Variants in KIRREL3 observed in about 807,000 individuals in gnomAD.
KIRREL3 encodes the protein kirre like nephrin family adhesion molecule 3.
In KIRREL3, 36 loss-of-function variants were observed where a neutral mutation model predicts 89.7. The observed-to-expected ratio is 0.40, with a 90% CI of 0.31 to 0.53. The LOEUF (loss-of-function observed/expected upper bound fraction) is 0.53, where lower values mean the gene tolerates loss of function less well. KIRREL3 is among the 20% of genes least tolerant of loss of function. The pLI is 0.49. For missense variants in KIRREL3, 864 were observed against 1,056.6 expected (o/e 0.82, Z 2.53); for synonymous variants, 445 against 441.4 (o/e 1.01, Z -0.10).
intron 1 of KIRREL3, among the ~76,000 whole-genome samples, chr11:126,880,418 A>T (rs1304868188): frequency 2.0e-5 from 3 of 152,170 alleles, no homozygotes; most frequent in Non-Finnish European, 4.4e-5. Context: ...CCTTCCTCCA[A>T]AATACCTCTT....
In KIRREL3 at chr11:126,627,240, C is replaced by T. The variant is rs79704778; in HGVS notation, c.56-64328G>A. Among the ~76,000 whole-genome samples, 2 of 152,024 alleles carry T rather than the reference C, an allele frequency of 1.3e-5. No homozygotes were observed. The highest frequency in any genetic ancestry group is 6.6e-5 in the Admixed American group (1 of 15,264). ...GCCAGGGCACAGAGTGTGAAAGGGA[C>T]CTATTTGGGAGAGGTGGCTGTAGGA... On this transcript the variant is annotated intron_variant, in intron 1 of 16. Coordinates refer to ENST00000525144, the MANE Select transcript of KIRREL3 (RefSeq NM_032531.4). The surrounding 1 kb of genome is among the most constrained non-coding windows in gnomAD (Gnocchi z 5.0).
At chr11:126,449,186 G>T (rs767444382) in intron 7 of KIRREL3, 29 bp from the exon 8 acceptor site, 24 of 1,609,748 alleles carry the variant, frequency 1.5e-5, no homozygotes, top group Non-Finnish European at 2.0e-5. Flanking sequence ...GCTGATGTGG[G>T]CCTTGAGTGG....
In KIRREL3 at chr11:126,860,869, C is replaced by T. The variant is rs564639803; in HGVS notation, c.55+139586G>A. On this transcript the variant is annotated intron_variant, in intron 1 of 16. Coordinates refer to ENST00000525144, the MANE Select transcript of KIRREL3 (RefSeq NM_032531.4). This position sits in a 1 kb window ranked among gnomAD's most constrained non-coding sequence, Gnocchi z 4.6. ...TTTAGTGATCCTACACTTGATTCTTCTCGCAGTTTCAGAAATACTACCTCC... is the reference window on the plus strand; with the variant it reads ...TTTAGTGATCCTACACTTGATTCTTTTCGCAGTTTCAGAAATACTACCTCC... 1.3e-5 allele frequency among the ~76,000 whole-genome samples: 2 copies of T among 152,272 alleles called. No individual in the cohort carries two copies. Among genetic ancestry groups the T allele is most frequent in the African/African-American group, 2.4e-5 (1 of 41,554 alleles).
intron 1 of KIRREL3, among the ~76,000 whole-genome samples, chr11:126,658,325 C>T (rs780592330): frequency 5.6e-4 from 86 of 152,280 alleles, no homozygotes; most frequent in Middle Eastern, 3.4e-3. Flanking sequence ...TCTAGGGAAA[C>T]TCATAACCCC....
rs2134424747 is a variant in KIRREL3 at position 126,811,587 on chromosome 11, T to G, written c.55+188868A>C. On this transcript the variant is annotated intron_variant, in intron 1 of 16. Coordinates refer to ENST00000525144, the MANE Select transcript of KIRREL3 (RefSeq NM_032531.4). This position sits in a 1 kb window ranked among gnomAD's most constrained non-coding sequence, Gnocchi z 4.3. Reference sequence around the variant, plus strand: ...GCAACGTTAGCAATGAACTTCTTTTTTTTCTTTTTCTTTTTTGAGATGGAG... The same window carrying G: ...GCAACGTTAGCAATGAACTTCTTTTGTTTCTTTTTCTTTTTTGAGATGGAG... 6.6e-6 allele frequency among the ~76,000 whole-genome samples: 1 copy of G among 152,306 alleles called. No individual in the cohort carries two copies.
Position 126,624,550 on chromosome 11 carries a change from C to T in KIRREL3, c.56-61638G>A, listed in dbSNP as rs937330684. 6.6e-5 allele frequency among the ~76,000 whole-genome samples: 10 copies of T among 152,194 alleles called. No individual in the cohort carries two copies. The highest frequency in any genetic ancestry group is 1.2e-4 in the Non-Finnish European group (8 of 68,038). On this transcript the variant is annotated intron_variant, in intron 1 of 16. Coordinates refer to ENST00000525144, the MANE Select transcript of KIRREL3 (RefSeq NM_032531.4). This position sits in a 1 kb window ranked among gnomAD's most constrained non-coding sequence, Gnocchi z 6.0. ...TTCCCCTTCCCATTCCCGGTGCCTTCCCAGTGTGCTTGGAACACTCTACTG... is the reference window on the plus strand; with the variant it reads ...TTCCCCTTCCCATTCCCGGTGCCTTTCCAGTGTGCTTGGAACACTCTACTG...
chr11:126,447,749 C>G (rs770800412), intron 8 of KIRREL3, among the ~76,000 whole-genome samples: 13 of 152,208 alleles, frequency 8.5e-5, no homozygotes, highest in Admixed American at 2.6e-4. Context: ...AGGGAGCAGA[C>G]AGAGCCTGAA....
At position 126,446,898 on chromosome 11, in the gene KIRREL3, G is replaced by GGAA. The variant is rs1473266369; in HGVS notation, c.998-15_998-13dup. On this transcript the variant is annotated splice_polypyrimidine_tract_variant and intron_variant, in intron 8 of 16. Coordinates refer to ENST00000525144, the MANE Select transcript of KIRREL3 (RefSeq NM_032531.4). ...CATCCGGGGCCCAACTGCGATGTGA[G>GGAA]GAAGAAGAAGACAGGTTCAGGTGGG... The GGAA allele has an allele frequency of 6.2e-7, 1 of 1,603,884 alleles. No individual in the cohort carries two copies. The highest frequency in any genetic ancestry group is 1.7e-5 in the Admixed American group (1 of 58,612).
At position 126,917,699 on chromosome 11, in the gene KIRREL3, T is replaced by C. The variant is rs574797059; in HGVS notation, c.55+82756A>G. 6.6e-6 allele frequency among the ~76,000 whole-genome samples: 1 copy of C among 152,256 alleles called. No individual in the cohort carries two copies. Among genetic ancestry groups the C allele is most frequent in the African/African-American group, 2.4e-5 (1 of 41,554 alleles). On this transcript the variant is annotated intron_variant, in intron 1 of 16. Transcript: ENST00000525144. This position sits in a 1 kb window ranked among gnomAD's most constrained non-coding sequence, Gnocchi z 5.0. ...TGTATACCACATACTAGAAACCATA[T>C]ACTAGAAACCACTCACACTAGAAAC...
At position 126,734,072 on chromosome 11, in the gene KIRREL3, C is replaced by T; in HGVS notation, c.56-171160G>A. Among the ~76,000 whole-genome samples the T allele has an allele frequency of 6.6e-6, 1 of 152,176 alleles. No individual in the cohort carries two copies. Among genetic ancestry groups the T allele is most frequent in the East Asian group, 1.9e-4 (1 of 5,188 alleles). ...GCATGAGGATCACCTGGGAGCCCCACTCCAGAACTACTGAGGCAGAAGCTG... is the reference window on the plus strand; with the variant it reads ...GCATGAGGATCACCTGGGAGCCCCATTCCAGAACTACTGAGGCAGAAGCTG... On this transcript the variant is annotated intron_variant, in intron 1 of 16. Coordinates refer to ENST00000525144, the MANE Select transcript of KIRREL3 (RefSeq NM_032531.4). The surrounding 1 kb of genome is among the most constrained non-coding windows in gnomAD (Gnocchi z 5.9).
Position 126,896,293 on chromosome 11 carries a change from T to C in KIRREL3, c.55+104162A>G, listed in dbSNP as rs1946154768. ...ACCATCCAAGACAGAACTCTGCTAG[T>C]CTGCAAGGATGAACATGGTCCATGA... On this transcript the variant is annotated intron_variant, in intron 1 of 16. Transcript: ENST00000525144. This position sits in a 1 kb window ranked among gnomAD's most constrained non-coding sequence, Gnocchi z 4.1. Among the ~76,000 whole-genome samples, 1 of 152,220 alleles carries C rather than the reference T, an allele frequency of 6.6e-6. No homozygotes were observed. The highest frequency in any genetic ancestry group is 1.5e-5 in the Non-Finnish European group (1 of 68,030).
chr11:126,746,249 G>C (rs1419729249), intron 1 of KIRREL3, among the ~76,000 whole-genome samples: 1 of 152,186 alleles, frequency 6.6e-6, no homozygotes, highest in African/African-American at 2.4e-5. Context: ...GAACATGAAT[G>C]ATGGGCCCTT....
At chr11:126,718,667 A>G (rs761132363) in intron 1 of KIRREL3, among the ~76,000 whole-genome samples, 3 of 152,178 alleles carry the variant, frequency 2.0e-5, no homozygotes, top group Non-Finnish European at 4.4e-5. Flanking sequence ...TATTTTATTT[A>G]CTCTCAATAA....
rs1946557498 is a variant in KIRREL3, at chr11:126,683,720, C to T, written c.56-120808G>A. On this transcript the variant is annotated intron_variant, in intron 1 of 16. Coordinates refer to ENST00000525144, the MANE Select transcript of KIRREL3 (RefSeq NM_032531.4). This position sits in a 1 kb window ranked among gnomAD's most constrained non-coding sequence, Gnocchi z 5.2. ...AAGCTGAAAATCAGTGTGCTGATAT[C>T]ACCCCTTTTGTCTATGAGGAGTGAA... 6.6e-6 allele frequency among the ~76,000 whole-genome samples: 1 copy of T among 152,218 alleles called. No homozygotes were observed. Among genetic ancestry groups the T allele is most frequent in the Non-Finnish European group, 1.5e-5 (1 of 68,044 alleles).
Position 126,696,216 on chromosome 11 carries a change from C to T in KIRREL3, c.56-133304G>A, listed in dbSNP as rs1234592736. ...AGGTTGCAGTGAGCCAACATCCCGC[C>T]ACTCCACTCCAGCCTGGGCCACTGA... On this transcript the variant is annotated intron_variant, in intron 1 of 16. Coordinates refer to ENST00000525144, the MANE Select transcript of KIRREL3 (RefSeq NM_032531.4). The surrounding 1 kb of genome is among the most constrained non-coding windows in gnomAD (Gnocchi z 4.4). Among the ~76,000 whole-genome samples the T allele has an allele frequency of 6.6e-6, 1 of 151,510 alleles. No homozygotes were observed. The highest frequency in any genetic ancestry group is 1.5e-5 in the Non-Finnish European group (1 of 67,930).
At chr11:126,838,398 A>G (rs376199490) in intron 1 of KIRREL3, among the ~76,000 whole-genome samples, 1 of 152,234 alleles carries the variant, frequency 6.6e-6, no homozygotes, top group East Asian at 1.9e-4. Context: ...AACATTTCTA[A>G]TAAATCATGG....
At position 126,519,142 on chromosome 11, in the gene KIRREL3, C is replaced by G. The variant is rs1055100166; in HGVS notation, c.433+2173G>C. Among the ~76,000 whole-genome samples, 2 of 152,194 alleles carry G rather than the reference C, an allele frequency of 1.3e-5. No homozygotes were observed. Among genetic ancestry groups the G allele is most frequent in the African/African-American group, 4.8e-5 (2 of 41,454 alleles). ...TCCCCCATACAAACCCAGCTCTGTGCCCAGAGGGCGGTGTCAGGCCATGCC... is the reference window on the plus strand; with the variant it reads ...TCCCCCATACAAACCCAGCTCTGTGGCCAGAGGGCGGTGTCAGGCCATGCC... On this transcript the variant is annotated intron_variant, in intron 4 of 16. Transcript: ENST00000525144. The surrounding 1 kb of genome is among the most constrained non-coding windows in gnomAD (Gnocchi z 4.3).
intron 4 of KIRREL3, among the ~76,000 whole-genome samples, chr11:126,493,499 C>A (rs192980589): frequency 6.6e-6 from 1 of 151,908 alleles, no homozygotes; most frequent in African/African-American, 2.4e-5. Context: ...ACTAAAAATA[C>A]AAAAAACTAG....
rs1162270900 is a variant in KIRREL3, at chr11:126,830,838, C to A, written c.55+169617G>T. 6.6e-6 allele frequency among the ~76,000 whole-genome samples: 1 copy of A among 152,166 alleles called. No homozygotes were observed. Among genetic ancestry groups the A allele is most frequent in the Non-Finnish European group, 1.5e-5 (1 of 68,042 alleles). The stretch of plus-strand genomic sequence containing the variant: ...TCCTGGGCCTCCATGCATTTTGTAA[C>A]CCCTGTTCCTTTATTAGAGCAATCA... On this transcript the variant is annotated intron_variant, in intron 1 of 16. Transcript: ENST00000525144. The surrounding 1 kb of genome is among the most constrained non-coding windows in gnomAD (Gnocchi z 4.9).
Sources: gnomAD v4.1 joint callset for allele counts (sites outside exome capture counted in the v4.1 genomes callset) on GRCh38, gnomAD v4.1.1 for gene constraint, Gnocchi (gnomAD v3.1) non-coding constraint, MANE v1.5 for transcripts, NCBI Gene and HGNC (gene_info 2026-07-23, HGNC 2026-07-21) for gene names.